RAB21: variants seen among roughly 807,000 people sequenced by gnomAD.
The protein encoded by RAB21 is RAB21, member RAS oncogene family.
A neutral mutation model predicts 33.1 loss-of-function variants in RAB21; 13 were observed. The observed-to-expected ratio is 0.39, with a 90% CI of 0.26 to 0.62. The LOEUF (loss-of-function observed/expected upper bound fraction) is 0.62. Among genes scored for constraint, RAB21 ranks in the 20% least tolerant of loss-of-function variants. The probability of loss-of-function intolerance (pLI) is 0.48; values close to 1 mark genes in which losing one functional copy is unlikely to be tolerated. For synonymous variants in RAB21, 91 were observed against 103.7 expected, an observed-to-expected ratio of 0.88 and a Z score of 0.74; for missense variants, 234 against 279.1, an observed-to-expected ratio of 0.84 and a Z score of 1.15.
At chr12:71,782,464 A>T in intron 5 of RAB21, 106 bp from the exon 6 acceptor site, 2 of 685,190 alleles carry the variant, frequency 2.9e-6, no homozygotes, top group South Asian at 5.3e-5. Flanking sequence ...ATTTCACTAA[A>T]CTTGAGTAAA....
intron 6 of RAB21, among the ~76,000 whole-genome samples, chr12:71,785,204 A>T (rs778732847): frequency 6.6e-6 from 1 of 152,240 alleles, no homozygotes; most frequent in Non-Finnish European, 1.5e-5. Context: ...CTTCTTTGAC[A>T]TATTTCTAAG....
At chr12:71,781,374 C>G (rs1883197323) in intron 4 of RAB21, among the ~76,000 whole-genome samples, 1 of 151,164 alleles carries the variant, frequency 6.6e-6, no homozygotes, top group Non-Finnish European at 1.5e-5. Context: ...GAGGCTGAGG[C>G]AGGAGAATGG....
chr12:71,756,992 T>A (rs1882794579), intron 1 of RAB21, among the ~76,000 whole-genome samples: 1 of 152,210 alleles, frequency 6.6e-6, no homozygotes, highest in Non-Finnish European at 1.5e-5. Context: ...TGAACCCCTG[T>A]CTGACTTCAG....
chr12:71,754,901 G>A lies in RAB21; in HGVS notation c.-229G>A, dbSNP rs1312906483. The A allele has an allele frequency of 1.0e-5, 2 of 198,978 alleles. No individual in the cohort carries two copies. Among genetic ancestry groups the A allele is most frequent in the Non-Finnish European group, 1.8e-5 (2 of 108,882 alleles). The allele number at this position is 198,978 out of a possible 1,614,324, so 12.3% of individuals were successfully genotyped here. A position where few individuals can be genotyped will look rare whatever the true frequency, so the allele number is the denominator to read the frequency against. ...GACGCCATTAGAGGGAGGCAGAGAG[G>A]GATCGTTCTTCGCTTTTCCTCCGGT... On this transcript the variant is annotated 5_prime_UTR_variant, in exon 1 of 7. Transcript: ENST00000261263.
intron 1 of RAB21, among the ~76,000 whole-genome samples, chr12:71,767,545 A>G (rs1388443958): frequency 6.6e-6 from 1 of 152,030 alleles, no homozygotes; most frequent in Non-Finnish European, 1.5e-5. Context: ...AGCTTTGGGA[A>G]GATAATATGG....
At chr12:71,758,527 G>A (rs1882823081) in intron 1 of RAB21, among the ~76,000 whole-genome samples, 1 of 151,124 alleles carries the variant, frequency 6.6e-6, no homozygotes, top group South Asian at 2.1e-4. Context: ...TGGAGGCAGA[G>A]TCTTGCTCTA....
intron 2 of RAB21, among the ~76,000 whole-genome samples, chr12:71,770,164 G>C (rs537790062): frequency 6.6e-6 from 1 of 152,216 alleles, no homozygotes; most frequent in African/African-American, 2.4e-5. Context: ...GAGAATGGCT[G>C]GTGGGTGAGG....
Position 71,754,947 on chromosome 12 carries a change from G to A in RAB21, c.-183G>A, listed in dbSNP as rs949752080. On this transcript the variant is annotated 5_prime_UTR_variant, in exon 1 of 7. Coordinates refer to ENST00000261263, the MANE Select transcript of RAB21 (RefSeq NM_014999.4). ...CCGGTGCCTGACGTGGTGGGCTGGGGCCCTTCATTCTCGGACTTTCCCTCA... is the reference window on the plus strand; with the variant it reads ...CCGGTGCCTGACGTGGTGGGCTGGGACCCTTCATTCTCGGACTTTCCCTCA... 1.0e-5 allele frequency: 4 copies of A among 385,932 alleles called. No individual in the cohort carries two copies. The highest frequency in any genetic ancestry group is 1.1e-4 in the South Asian group (1 of 9,494). The allele number at this position is 385,932 out of a possible 1,614,324, so 23.9% of individuals were successfully genotyped here.
In RAB21 at chr12:71,773,980, T is replaced by C; in HGVS notation, c.349T>C (p.Leu117=). The change falls in exon 4 of 7, where the codon TTA becomes CTA. Residue 117 remains leucine (L), a synonymous_variant. Coordinates refer to ENST00000261263, the MANE Select transcript of RAB21 (RefSeq NM_014999.4). ...ACAGGTAAAAAACTGGGTCAAAGAA[T>C]TACGGAAAATGTTGGGAAATGAAAT... is the stretch of plus-strand genomic sequence containing the variant. ...FQKVKNWVKE[L]RKMLGNEICL... is the part of the protein sequence containing the mutation. The C allele has an allele frequency of 6.3e-7, 1 of 1,594,114 alleles. No individual in the cohort carries two copies. The highest frequency in any genetic ancestry group is 8.5e-7 in the Non-Finnish European group (1 of 1,170,568).
chr12:71,765,903 G>A (rs1478189334), intron 1 of RAB21, among the ~76,000 whole-genome samples: 1 of 151,782 alleles, frequency 6.6e-6, no homozygotes, highest in Non-Finnish European at 1.5e-5. Context: ...GTTTTCTAAA[G>A]TTTTTTAAAA....
chr12:71,757,682 T>C (rs971699573), intron 1 of RAB21, among the ~76,000 whole-genome samples: 33 of 152,224 alleles, frequency 2.2e-4, no homozygotes, highest in Non-Finnish European at 1.5e-4. Flanking sequence ...TCAGAGGAAT[T>C]TGATTTATGT....
chr12:71,782,587 G>C lies in RAB21; in HGVS notation c.464G>C (p.Gly155Ala). The C allele has an allele frequency of 1.9e-6, 3 of 1,597,788 alleles. No homozygotes were observed. Among genetic ancestry groups the C allele is most frequent in the Non-Finnish European group, 2.6e-6 (3 of 1,170,350 alleles). ...QEAESYAESV[G>A]AKHYHTSAKQ... Reference sequence around the variant, plus strand: ...TTTTTAAGGTATGCAGAATCTGTGGGAGCAAAACATTATCATACTTCAGCC... The same window carrying C: ...TTTTTAAGGTATGCAGAATCTGTGGCAGCAAAACATTATCATACTTCAGCC... The change falls in exon 6 of 7, where the codon GGA becomes GCA. Residue 155 changes from glycine to alanine, a missense_variant. By Grantham distance (60) the Gly-to-Ala change is moderately conservative (BLOSUM62 0). Transcript: ENST00000261263.
chr12:71,763,961 A>C (rs1406921451), intron 1 of RAB21, among the ~76,000 whole-genome samples: 1 of 152,234 alleles, frequency 6.6e-6, no homozygotes, highest in Non-Finnish European at 1.5e-5. Context: ...TTTAAAAAAA[A>C]TCAGGTTCAC....
chr12:71,755,048 C>G lies in RAB21; in HGVS notation c.-82C>G, dbSNP rs1000256672. On this transcript the variant is annotated 5_prime_UTR_variant, in exon 1 of 7. Transcript: ENST00000261263. ...CGGGGCCGGGGCGGTGGGGGCTGAG[C>G]CGGCCGTGGCTGTGAAGGCGCTGCC... 10 of 1,011,874 alleles carry G rather than the reference C, an allele frequency of 9.9e-6. No individual in the cohort carries two copies. The highest frequency in any genetic ancestry group is 1.2e-5 in the Non-Finnish European group (10 of 847,554). 62.7% of individuals were successfully genotyped at this position (1,011,874 alleles called of 1,614,324 possible). A position where few individuals can be genotyped will look rare whatever the true frequency, so the allele number is the denominator to read the frequency against.
intron 6 of RAB21, among the ~76,000 whole-genome samples, chr12:71,784,441 A>G (rs1258132126): frequency 2.0e-5 from 3 of 151,802 alleles, no homozygotes; most frequent in Non-Finnish European, 2.9e-5. Context: ...ATTTTGTTTC[A>G]TGTCTTACAT....
intron 1 of RAB21, among the ~76,000 whole-genome samples, chr12:71,769,078 G>T (rs939306327): frequency 1.3e-5 from 2 of 152,118 alleles, no homozygotes; most frequent in Non-Finnish European, 2.9e-5. Context: ...TCATGTGTTT[G>T]AGGCTTCAGT....
rs577674168 is a variant in RAB21 at position 71,792,617 on chromosome 12, T to C, written c.*6944T>C. 6 of 152,346 alleles carry C rather than the reference T, an allele frequency of 3.9e-5. No homozygotes were observed. Among genetic ancestry groups the C allele is most frequent in the African/African-American group, 9.6e-5 (4 of 41,584 alleles). 9.4% of individuals were successfully genotyped at this position (152,346 alleles called of 1,614,324 possible). A position where few individuals can be genotyped will look rare whatever the true frequency, so the allele number is the denominator to read the frequency against. On this transcript the variant is annotated 3_prime_UTR_variant, in exon 7 of 7. Transcript: ENST00000261263. The stretch of plus-strand genomic sequence containing the variant: ...GCATATATGTGAGTTTAATAATTGT[T>C]TCTGTATTTTAAAAAATTTTAAAAC...
At chr12:71,775,409 A>T (rs940353308) in intron 4 of RAB21, among the ~76,000 whole-genome samples, 1 of 152,190 alleles carries the variant, frequency 6.6e-6, no homozygotes, top group African/African-American at 2.4e-5. Flanking sequence ...TTCTTTCTAC[A>T]TACCTGATAA....
intron 6 of RAB21, among the ~76,000 whole-genome samples, chr12:71,783,306 A>G (rs1883228298): frequency 6.6e-6 from 1 of 151,820 alleles, no homozygotes; most frequent in South Asian, 2.1e-4. Context: ...AGTTTTAAAG[A>G]AAAAGGAAAA....
Sources: allele counts gnomAD v4.1 joint callset (sites outside exome capture counted in the v4.1 genomes callset), GRCh38; gene constraint gnomAD v4.1.1; transcripts MANE v1.5; gene names NCBI Gene and HGNC (gene_info 2026-07-23, HGNC 2026-07-21).